ATP9A: variants seen among roughly 807,000 people sequenced by gnomAD.
The protein encoded by ATP9A is ATPase phospholipid transporting 9A.
ATP9A carries 52 observed loss-of-function variants against 144.1 expected under a neutral mutation model. The observed-to-expected ratio is 0.36, with a 90% CI of 0.29 to 0.45. The LOEUF (loss-of-function observed/expected upper bound fraction) is 0.45, where lower values mean the gene tolerates loss of function less well. Ranked by LOEUF, ATP9A falls within the 20% of genes least tolerant of loss-of-function variation. The pLI, the probability that ATP9A is intolerant of heterozygous loss-of-function variation, is 1.00. For synonymous variants in ATP9A, 582 were observed against 557.4 expected, an observed-to-expected ratio of 1.04 and a Z score of -0.62; for missense variants, 947 against 1,392.7, an observed-to-expected ratio of 0.68 and a Z score of 5.09.
intron 21 of ATP9A, 22 bp from the exon 22 acceptor site, chr20:51,617,576 G>A (rs773820179): frequency 4.4e-6 from 7 of 1,607,884 alleles, no homozygotes; most frequent in Non-Finnish European, 8.5e-7. Context: ...ACAGACCAGA[G>A]AGAAAAGATG....
chr20:51,648,098 C>A (rs1465519715), intron 14 of ATP9A, among the ~76,000 whole-genome samples: 1 of 152,202 alleles, frequency 6.6e-6, no homozygotes, highest in African/African-American at 2.4e-5. Context: ...TTCTGCTTCA[C>A]ACTCCGAGCT....
chr20:51,639,264 A>G, intron 15 of ATP9A, 79 bp downstream of exon 15: 1 of 1,432,046 alleles, frequency 7.0e-7, no homozygotes, highest in Non-Finnish European at 9.5e-7. Context: ...GAGGGTTAGA[A>G]AGAATGTCAA....
intron 22 of ATP9A, among the ~76,000 whole-genome samples, chr20:51,615,313 G>C (rs1478624525): frequency 6.6e-6 from 1 of 152,168 alleles, no homozygotes; most frequent in Admixed American, 6.5e-5. Context: ...TTCCATTGTT[G>C]TATTTCAACT....
intron 11 of ATP9A, 59 bp downstream of exon 11, chr20:51,674,094 G>A: frequency 1.3e-6 from 2 of 1,529,292 alleles, no homozygotes; most frequent in Non-Finnish European, 1.8e-6. Context: ...CATCATCTTT[G>A]AATGAGTAAA....
intron 12 of ATP9A, 91 bp from the exon 13 acceptor site, chr20:51,670,200 G>T: frequency 2.0e-6 from 2 of 1,021,588 alleles, no homozygotes; most frequent in Non-Finnish European, 3.0e-6. Context: ...TGGAGAGTTT[G>T]CCCTATGTCA....
chr20:51,753,531 C>T (rs1056252667), intron 1 of ATP9A, among the ~76,000 whole-genome samples: 7 of 152,108 alleles, frequency 4.6e-5, no homozygotes, highest in East Asian at 3.8e-4. Flanking sequence ...ACAATGTACA[C>T]GCAGAAACAA....
chr20:51,610,429 C>T (rs940268209), intron 23 of ATP9A, among the ~76,000 whole-genome samples: 1 of 152,280 alleles, frequency 6.6e-6, no homozygotes, highest in African/African-American at 2.4e-5. Context: ...AGTTCCTAAG[C>T]AGCAAATCTA....
chr20:51,690,709 C>CG, intron 8 of ATP9A, 30 bp downstream of exon 8: 1 of 1,568,270 alleles, frequency 6.4e-7, no homozygotes, highest in Non-Finnish European at 8.8e-7. Context: ...CTCCCGGTGA[C>CG]AGGATCCCAT....
chr20:51,762,440 A>G (rs996194079), intron 1 of ATP9A, among the ~76,000 whole-genome samples: 13 of 151,358 alleles, frequency 8.6e-5, no homozygotes, highest in Non-Finnish European at 1.8e-4. Flanking sequence ...GGTTGCAGTG[A>G]GCCAAGATCA....
rs565412178 is a variant in ATP9A at position 51,627,545 on chromosome 20, G to A, written c.1845+55C>T. On this transcript the variant is annotated intron_variant, in intron 17 of 27. Transcript: ENST00000338821. The stretch of plus-strand genomic sequence containing the variant: ...TAGGATGAGGGATGGTGGAAGGAGT[G>A]ACTGGGAGGCAGGTGGGGCTGCAAA... The A allele has an allele frequency of 1.1e-5, 16 of 1,476,730 alleles. 1 individual carries two copies. In the South Asian group the frequency reaches 1.7e-4, roughly 16 times the overall value. The allele number at this position is 1,476,730 out of a possible 1,614,324, so 91.5% of individuals were successfully genotyped here.
chr20:51,644,196 C>T (rs1221180484), intron 14 of ATP9A, among the ~76,000 whole-genome samples: 4 of 150,488 alleles, frequency 2.7e-5, no homozygotes, highest in African/African-American at 7.3e-5. Flanking sequence ...TGTAAAAAAG[C>T]TTGGGTGCAG....
chr20:51,751,745 GC>G (rs1199458731), intron 1 of ATP9A, among the ~76,000 whole-genome samples: 1 of 151,972 alleles, frequency 6.6e-6, no homozygotes, highest in Non-Finnish European at 1.5e-5. Flanking sequence ...CCACCACCAC[GC>G]CCGGCTAATT....
intron 2 of ATP9A, among the ~76,000 whole-genome samples, chr20:51,728,182 T>C (rs545561554): frequency 2.0e-5 from 3 of 152,234 alleles, no homozygotes; most frequent in South Asian, 2.1e-4. Context: ...GGTGGCCACA[T>C]AGTCCAGGTG....
chr20:51,696,974 T>C (rs1188770630), intron 5 of ATP9A, among the ~76,000 whole-genome samples: 1 of 152,160 alleles, frequency 6.6e-6, no homozygotes, highest in Non-Finnish European at 1.5e-5. Context: ...TTTACTGTTC[T>C]CAGGTTACAC....
chr20:51,664,382 T>C (rs1463822731), intron 13 of ATP9A, among the ~76,000 whole-genome samples: 1 of 151,384 alleles, frequency 6.6e-6, no homozygotes, highest in Non-Finnish European at 1.5e-5. Flanking sequence ...AGCCCAGGAG[T>C]TCGAGACCAG....
At chr20:51,678,367 G>T (rs1253506954) in intron 9 of ATP9A, among the ~76,000 whole-genome samples, 1 of 152,182 alleles carries the variant, frequency 6.6e-6, no homozygotes, top group African/African-American at 2.4e-5. Context: ...AGAGGCTGAA[G>T]CACATCTGCA....
chr20:51,696,211 G>A (rs1465673148), intron 5 of ATP9A, 67 bp from the exon 6 acceptor site: 1 of 1,494,890 alleles, frequency 6.7e-7, no homozygotes, highest in East Asian at 2.3e-5. Context: ...GGGGAGGGGG[G>A]CTTCCGCCCC....
At chr20:51,751,909 G>A (rs1434221858) in intron 1 of ATP9A, among the ~76,000 whole-genome samples, 1 of 152,034 alleles carries the variant, frequency 6.6e-6, no homozygotes, top group Non-Finnish European at 1.5e-5. Flanking sequence ...TTATTCACTC[G>A]CTCATTTAAT....
At chr20:51,637,737 C>T (rs1022524671) in intron 15 of ATP9A, among the ~76,000 whole-genome samples, 3 of 150,750 alleles carry the variant, frequency 2.0e-5, no homozygotes, top group African/African-American at 7.3e-5. Context: ...TTGGGGAACA[C>T]ATGGTGTTTG....
Sources: gnomAD v4.1 joint callset for allele counts (sites outside exome capture counted in the v4.1 genomes callset) on GRCh38, gnomAD v4.1.1 for gene constraint, MANE v1.5 for transcripts, NCBI Gene and HGNC (gene_info 2026-07-23, HGNC 2026-07-21) for gene names.